STPG2: variants seen among roughly 807,000 people sequenced by gnomAD.
The protein encoded by STPG2 is sperm-tail PG-rich repeat-containing protein 2.
In STPG2, 56 loss-of-function variants were observed where a neutral mutation model predicts 54.2. The ratio of observed to expected loss-of-function variants is 1.03; its 90% confidence interval spans 0.83 to 1.29. STPG2 has a LOEUF of 1.29. Ranked by LOEUF, STPG2 falls within the 50% of genes most tolerant of loss-of-function variation. The probability of loss-of-function intolerance (pLI) is 0.00; values close to 1 mark genes in which losing one functional copy is unlikely to be tolerated. For missense variants in STPG2, 596 were observed against 544.9 expected, an observed-to-expected ratio of 1.09 and a Z score of -0.93; for synonymous variants, 200 against 181.8, an observed-to-expected ratio of 1.10 and a Z score of -0.81.
chr4:97,836,214 G>A (rs1560547058), intron 9 of STPG2, among the ~76,000 whole-genome samples: 1 of 151,958 alleles, frequency 6.6e-6, no homozygotes, highest in Non-Finnish European at 1.5e-5. Flanking sequence ...GTCAATCAAT[G>A]TGGTTAATTT....
chr4:97,774,988 G>A (rs576599069), intron 9 of STPG2, among the ~76,000 whole-genome samples: 1 of 152,272 alleles, frequency 6.6e-6, no homozygotes, highest in Non-Finnish European at 1.5e-5. Flanking sequence ...GGTTACACCT[G>A]GCTATGACTG....
chr4:97,573,492 T>C (rs1428114286), intron 10 of STPG2, among the ~76,000 whole-genome samples: 1 of 151,882 alleles, frequency 6.6e-6, no homozygotes, highest in Non-Finnish European at 1.5e-5. Context: ...AAAGGCTGCA[T>C]GGTAGAAACA....
chr4:97,801,499 A>G (rs1727395993), intron 9 of STPG2, among the ~76,000 whole-genome samples: 1 of 152,118 alleles, frequency 6.6e-6, no homozygotes. Flanking sequence ...AACTTGCACA[A>G]CGATTTCTTT....
At position 97,540,164 on chromosome 4, in the gene STPG2, C is replaced by CA. The variant is rs1415031938; in HGVS notation, c.462+172534dup. 1.7e-4 allele frequency among the ~76,000 whole-genome samples: 26 copies of CA among 152,090 alleles called. No homozygotes were observed. The South Asian group carries it at 2.9e-3, about 17-fold the overall frequency. On this transcript the variant is annotated intron_variant, in intron 4 of 4. Transcript: ENST00000522676. ...AAGGAGACAGAGACAAAAAACCCTT[C>CA]AAAAAATCAATGAATCCAGGAGGTG...
At chr4:97,970,648 C>T (rs934065613) in intron 7 of STPG2, among the ~76,000 whole-genome samples, 1 of 152,144 alleles carries the variant, frequency 6.6e-6, no homozygotes, top group Non-Finnish European at 1.5e-5. Flanking sequence ...ACACCTTCTA[C>T]AAAAATTAAT....
intron 9 of STPG2, among the ~76,000 whole-genome samples, chr4:97,741,484 C>T (rs1269782330): frequency 6.6e-6 from 1 of 151,378 alleles, no homozygotes; most frequent in African/African-American, 2.4e-5. Flanking sequence ...GGCTAATATC[C>T]AGAATCTACA....
chr4:98,107,795 G>A (rs574590647), intron 4 of STPG2, among the ~76,000 whole-genome samples: 3 of 152,096 alleles, frequency 2.0e-5, no homozygotes, highest in Admixed American at 1.3e-4. Context: ...GAGAGAGCAT[G>A]AGCACAAATC....
chr4:98,129,470 T>C (rs1429651865), intron 2 of STPG2, among the ~76,000 whole-genome samples: 1 of 135,006 alleles, frequency 7.4e-6, no homozygotes, highest in Non-Finnish European at 1.7e-5. Context: ...ACTATGAATA[T>C]AGCTAAGTTA....
intron 4 of STPG2, among the ~76,000 whole-genome samples, chr4:97,513,402 C>A (rs997084272): frequency 1.3e-5 from 2 of 152,018 alleles, no homozygotes; most frequent in African/African-American, 4.8e-5. Flanking sequence ...CAACTTTCAT[C>A]CTCCCCATGC....
At chr4:98,007,116 C>G (rs1735600503) in intron 5 of STPG2, among the ~76,000 whole-genome samples, 2 of 152,170 alleles carry the variant, frequency 1.3e-5, no homozygotes, top group South Asian at 4.1e-4. Flanking sequence ...TGTTCCACAG[C>G]CAAGCCTATG....
chr4:97,879,371 G>A (rs185114481), intron 8 of STPG2, among the ~76,000 whole-genome samples: 187 of 152,194 alleles, frequency 1.2e-3, no homozygotes, highest in African/African-American at 3.8e-3. Flanking sequence ...ACCTGAGACC[G>A]GGTAATTTAT....
intron 10 of STPG2, among the ~76,000 whole-genome samples, chr4:97,634,844 A>T (rs1721450652): frequency 6.6e-6 from 1 of 150,602 alleles, no homozygotes; most frequent in Non-Finnish European, 1.5e-5. Flanking sequence ...ACTATGTGAA[A>T]AGACCAAATC....
chr4:97,741,655 C>T (rs1424376720), intron 9 of STPG2, among the ~76,000 whole-genome samples: 3 of 152,090 alleles, frequency 2.0e-5, no homozygotes, highest in African/African-American at 4.8e-5. Context: ...AAATCAAAAC[C>T]GCAATGTGAT....
At chr4:98,087,715 T>C (rs1451126514) in intron 5 of STPG2, among the ~76,000 whole-genome samples, 1 of 151,946 alleles carries the variant, frequency 6.6e-6, no homozygotes, top group African/African-American at 2.4e-5. Context: ...TGCCCGCCGC[T>C]ATGCCCGGCT....
intron 6 of STPG2, among the ~76,000 whole-genome samples, chr4:97,972,706 T>A (rs79429620): frequency 6.6e-6 from 1 of 152,184 alleles, no homozygotes. Flanking sequence ...GGAACTGTCA[T>A]AGGAGGAACC....
chr4:97,489,297 A>G (rs962640946), intron 4 of STPG2, among the ~76,000 whole-genome samples: 7 of 151,754 alleles, frequency 4.6e-5, no homozygotes, highest in African/African-American at 1.7e-4. Flanking sequence ...AGACTAATAC[A>G]GATGGATTAG....
chr4:97,840,503 T>C (rs1476091138), intron 9 of STPG2, among the ~76,000 whole-genome samples: 7 of 151,694 alleles, frequency 4.6e-5, no homozygotes, highest in African/African-American at 1.4e-4. Flanking sequence ...AAATGTTGTT[T>C]ACAATCACAG....
intron 8 of STPG2, among the ~76,000 whole-genome samples, chr4:97,940,434 C>G (rs1732933521): frequency 6.6e-6 from 1 of 152,130 alleles, no homozygotes; most frequent in Non-Finnish European, 1.5e-5. Flanking sequence ...TCAGGGATGC[C>G]AGTGATTCAC....
At chr4:97,814,967 A>G (rs1326939830) in intron 9 of STPG2, among the ~76,000 whole-genome samples, 1 of 152,036 alleles carries the variant, frequency 6.6e-6, no homozygotes, top group African/African-American at 2.4e-5. Context: ...GAGAACCCTG[A>G]CTAATACAGT....
Sources: allele counts gnomAD v4.1 joint callset (sites outside exome capture counted in the v4.1 genomes callset), GRCh38; gene constraint gnomAD v4.1.1; transcripts MANE v1.5; gene names NCBI Gene and HGNC (gene_info 2026-07-23, HGNC 2026-07-21).